MOB3B: variants seen among roughly 807,000 people sequenced by gnomAD.
MOB3B encodes MOB kinase activator-like 2B.
A neutral mutation model predicts 18.7 loss-of-function variants in MOB3B; 7 were observed. The ratio of observed to expected loss-of-function variants is 0.37; its 90% CI spans 0.21 to 0.70. The LOEUF (loss-of-function observed/expected upper bound fraction) is 0.70, where lower values mean the gene tolerates loss of function less well. Ranked by LOEUF, MOB3B falls within the 30% of genes least tolerant of loss-of-function variation. The pLI, the probability that MOB3B is intolerant of heterozygous loss-of-function variation, is 0.52. For missense variants in MOB3B, 253 were observed against 281.3 expected (o/e 0.90, Z 0.72); for synonymous variants, 111 against 99.9 (o/e 1.11, Z -0.66).
Position 27,355,786 on chromosome 9 carries a change from T to C in MOB3B, c.621+3248A>G, listed in dbSNP as rs191770174. Among the ~76,000 whole-genome samples, 482 of 152,198 alleles carry C rather than the reference T, an allele frequency of 3.2e-3. 1 individual carries two copies. Among genetic ancestry groups the C allele is most frequent in the Non-Finnish European group, 3.7e-3 (254 of 67,996 alleles). On this transcript the variant is annotated intron_variant, in intron 3 of 3. Transcript: ENST00000262244. ...ACCGTGTTAGCCAGGATGGTCTCGA[T>C]CTCCTGACCTCGTGATCTGCCTGCC...
chr9:27,440,899 G>T (rs541976578), intron 2 of MOB3B, among the ~76,000 whole-genome samples: 2 of 152,238 alleles, frequency 1.3e-5, no homozygotes, highest in Admixed American at 1.3e-4. Context: ...CAGTTTTGTG[G>T]AAGACAATTT....
chr9:27,456,767 G>A (rs1822877517), intron 1 of MOB3B, among the ~76,000 whole-genome samples: 1 of 152,168 alleles, frequency 6.6e-6, no homozygotes, highest in African/African-American at 2.4e-5. Context: ...TATATCTATG[G>A]TGTTGAATAT....
intron 2 of MOB3B, among the ~76,000 whole-genome samples, chr9:27,373,673 A>G (rs1259687027): frequency 6.6e-6 from 1 of 152,244 alleles, no homozygotes; most frequent in East Asian, 1.9e-4. Flanking sequence ...TGTGACTATT[A>G]TATAATATTT....
At chr9:27,338,408 CCAGAGCTGGTTGCT>C (rs1820892821) in intron 3 of MOB3B, among the ~76,000 whole-genome samples, 1 of 152,110 alleles carries the variant, frequency 6.6e-6, no homozygotes. Flanking sequence ...CAGCAGCGCC[CCAGAGCTGGTTGCT>C]AAGAATTTGC....
chr9:27,354,427 T>C (rs944420486), intron 3 of MOB3B, among the ~76,000 whole-genome samples: 1 of 152,208 alleles, frequency 6.6e-6, no homozygotes, highest in East Asian at 1.9e-4. Context: ...GAACAGAGAA[T>C]GACTAAGAGT....
At chr9:27,484,411 C>G (rs1223924591) in intron 1 of MOB3B, among the ~76,000 whole-genome samples, 1 of 152,138 alleles carries the variant, frequency 6.6e-6, no homozygotes, top group African/African-American at 2.4e-5. Flanking sequence ...ACAAAAAACT[C>G]AGGCGGGAGT....
intron 2 of MOB3B, among the ~76,000 whole-genome samples, chr9:27,404,077 C>G (rs1821928188): frequency 6.6e-6 from 1 of 152,044 alleles, no homozygotes; most frequent in South Asian, 2.1e-4. Flanking sequence ...CTCGCTTTAT[C>G]TCCCCCTCCC....
At chr9:27,439,943 C>T (rs1022494285) in intron 2 of MOB3B, among the ~76,000 whole-genome samples, 3 of 151,734 alleles carry the variant, frequency 2.0e-5, no homozygotes, top group Non-Finnish European at 1.5e-5. Context: ...GGGGTGGGCC[C>T]GGTGGTGGGG....
chr9:27,440,112 C>A (rs1563869104), intron 2 of MOB3B, among the ~76,000 whole-genome samples: 1 of 152,186 alleles, frequency 6.6e-6, no homozygotes, highest in Non-Finnish European at 1.5e-5. Context: ...TGGTCTCACC[C>A]TAGCAGTAAA....
intron 1 of MOB3B, among the ~76,000 whole-genome samples, chr9:27,488,359 T>C (rs1032045573): frequency 1.3e-5 from 2 of 152,160 alleles, no homozygotes; most frequent in Admixed American, 1.3e-4. Context: ...ACTGCAAACA[T>C]AATGTTTTAC....
intron 1 of MOB3B, among the ~76,000 whole-genome samples, chr9:27,485,358 C>A (rs1819717363): frequency 6.6e-6 from 1 of 152,182 alleles, no homozygotes; most frequent in African/African-American, 2.4e-5. Context: ...GACTTGCTTG[C>A]AGAACCAGAA....
At chr9:27,442,464 A>G (rs1237358518) in intron 2 of MOB3B, among the ~76,000 whole-genome samples, 2 of 152,174 alleles carry the variant, frequency 1.3e-5, no homozygotes, top group Non-Finnish European at 2.9e-5. Context: ...TCCGTTCTCT[A>G]TCTTTCCTCA....
chr9:27,514,542 A>T (rs1361862481), intron 1 of MOB3B, among the ~76,000 whole-genome samples: 3 of 152,180 alleles, frequency 2.0e-5, no homozygotes, highest in Admixed American at 1.3e-4. Flanking sequence ...AATTAAAGAG[A>T]GTTGTGTCTA....
At chr9:27,379,226 C>T (rs1821538165) in intron 2 of MOB3B, among the ~76,000 whole-genome samples, 1 of 152,176 alleles carries the variant, frequency 6.6e-6, no homozygotes, top group African/African-American at 2.4e-5. Flanking sequence ...CCCAGACCCC[C>T]TTGTGATTTA....
intron 2 of MOB3B, among the ~76,000 whole-genome samples, chr9:27,368,416 T>A (rs777210407): frequency 1.3e-5 from 2 of 151,728 alleles, no homozygotes; most frequent in Non-Finnish European, 2.9e-5. Flanking sequence ...AGAAGCTTCG[T>A]GTTCTTGCTG....
chr9:27,432,651 T>C (rs1822434274), intron 2 of MOB3B, among the ~76,000 whole-genome samples: 1 of 152,176 alleles, frequency 6.6e-6, no homozygotes. Context: ...TTTGAGAGGA[T>C]CCTGGAAGTT....
intron 2 of MOB3B, among the ~76,000 whole-genome samples, chr9:27,425,285 G>C (rs550174102): frequency 6.6e-6 from 1 of 151,314 alleles, no homozygotes; most frequent in East Asian, 2.0e-4. Context: ...TGAGGCAGGA[G>C]AATCGCTTGA....
At chr9:27,442,221 G>T (rs1265523026) in intron 2 of MOB3B, among the ~76,000 whole-genome samples, 1 of 152,104 alleles carries the variant, frequency 6.6e-6, no homozygotes, top group Admixed American at 6.5e-5. Flanking sequence ...ATACACAAAA[G>T]ATCAGGATTT....
chr9:27,449,096 C>T (rs1822742584), intron 2 of MOB3B, among the ~76,000 whole-genome samples: 1 of 152,142 alleles, frequency 6.6e-6, no homozygotes, highest in South Asian at 2.1e-4. Flanking sequence ...TAGTAGATGT[C>T]TCTCTAGAGT....
Sources: gnomAD v4.1 joint callset for allele counts (sites outside exome capture counted in the v4.1 genomes callset) on GRCh38, gnomAD v4.1.1 for gene constraint, MANE v1.5 for transcripts, NCBI Gene and HGNC (gene_info 2026-07-23, HGNC 2026-07-21) for gene names.